The following DELE1 variants were observed in gnomAD, a reference collection of about 807,000 sequenced individuals.
DELE1 encodes death ligand signal enhancer.
DELE1 carries 54 observed loss-of-function variants against 59.3 expected under a neutral mutation model. That is an observed-to-expected ratio of 0.91 (90% CI 0.73 to 1.14). The LOEUF (loss-of-function observed/expected upper bound fraction) is 1.14. DELE1 is among the 50% of genes most tolerant of loss of function. The pLI is 0.00. For synonymous variants in DELE1, 264 were observed against 259.1 expected (o/e 1.02, Z -0.18); for missense variants, 636 against 643.9 (o/e 0.99, Z 0.13).
Position 141,941,789 on chromosome 5 carries a change from C to T in DELE1, c.*3030C>T. ...ATATAGTGTGGGGCACTCAGATGTT[C>T]AGTAAATATACATTCAACAAATAAG... On this transcript the variant is annotated 3_prime_UTR_variant, in exon 12 of 12. Transcript: ENST00000432126. The T allele has an allele frequency of 1.0e-6, 1 of 985,338 alleles. No homozygotes were observed. The highest frequency in any genetic ancestry group is 1.2e-6 in the Non-Finnish European group (1 of 829,912). The allele number at this position is 985,338 out of a possible 1,614,324, so 61.0% of individuals were successfully genotyped here. A position where few individuals can be genotyped will look rare whatever the true frequency, so the allele number is the denominator to read the frequency against.
chr5:141,924,989 G>A (rs1173687832), intron 2 of DELE1, among the ~76,000 whole-genome samples: 8 of 151,950 alleles, frequency 5.3e-5, no homozygotes, highest in South Asian at 4.2e-4. Context: ...GTGCAGTGGC[G>A]CGATCTTGGC....
rs1167674217 is a variant in DELE1, at chr5:141,941,097, G to A, written c.*2338G>A. ...CACCCTCTGCGTGAAATGTCACCGTGTGCCCTCCCTGTGGAGCCCCACTCC... is the reference window on the plus strand; with the variant it reads ...CACCCTCTGCGTGAAATGTCACCGTATGCCCTCCCTGTGGAGCCCCACTCC... On this transcript the variant is annotated 3_prime_UTR_variant, in exon 12 of 12. Coordinates refer to ENST00000432126, the MANE Select transcript of DELE1 (RefSeq NM_014773.5). The A allele has an allele frequency of 7.1e-6, 7 of 985,312 alleles. No homozygotes were observed. Among genetic ancestry groups the A allele is most frequent in the East Asian group, 1.1e-4 (1 of 8,814 alleles). 61.0% of individuals were successfully genotyped at this position (985,312 alleles called of 1,614,324 possible).
In DELE1 at chr5:141,923,913, T is replaced by C. The variant is rs1291601229; in HGVS notation, c.-29T>C. 1.4e-5 allele frequency: 23 copies of C among 1,594,690 alleles called. No individual in the cohort carries two copies. Among genetic ancestry groups the C allele is most frequent in the Non-Finnish European group, 2.0e-5 (23 of 1,171,000 alleles). On this transcript the variant is annotated 5_prime_UTR_variant, in exon 1 of 12. Coordinates refer to ENST00000432126, the MANE Select transcript of DELE1 (RefSeq NM_014773.5). ...CAAGGGTTGGTCTCGCGCTTTCGGCTGCGAGCTCTCTGTGGTGCTGGCAGC... is the reference window on the plus strand; with the variant it reads ...CAAGGGTTGGTCTCGCGCTTTCGGCCGCGAGCTCTCTGTGGTGCTGGCAGC...
chr5:141,925,321 A>G, intron 2 of DELE1, 89 bp from the exon 3 acceptor site: 1 of 789,346 alleles, frequency 1.3e-6, no homozygotes, highest in South Asian at 2.0e-5. Flanking sequence ...TCAGCCTCCC[A>G]AATTGTTGGG....
intron 3 of DELE1, among the ~76,000 whole-genome samples, chr5:141,926,208 A>T (rs549613585): frequency 6.6e-6 from 1 of 152,200 alleles, no homozygotes; most frequent in Non-Finnish European, 1.5e-5. Context: ...GTAAAGTATT[A>T]TACATGCATT....
At chr5:141,938,498 G>A in intron 11 of DELE1, 23 bp from the exon 12 acceptor site, 1 of 1,609,848 alleles carries the variant, frequency 6.2e-7, no homozygotes, top group Non-Finnish European at 8.5e-7. Context: ...AAGAGTAAGA[G>A]TTGCTCTCAC....
chr5:141,925,066 T>G (rs1751281806), intron 2 of DELE1, among the ~76,000 whole-genome samples: 1 of 152,084 alleles, frequency 6.6e-6, no homozygotes, highest in Admixed American at 6.6e-5. Flanking sequence ...TAGCTGGGAT[T>G]TCAGGCATGC....
In DELE1 at chr5:141,940,079, T is replaced by A. The variant is rs776417559; in HGVS notation, c.*1320T>A. On this transcript the variant is annotated 3_prime_UTR_variant, in exon 12 of 12. Coordinates refer to ENST00000432126, the MANE Select transcript of DELE1 (RefSeq NM_014773.5). ...AGTCTTAAAGCTGGAGAGTATAGATTTTGAGGTCCCCATTTGGGAAACATG... is the reference window on the plus strand; with the variant it reads ...AGTCTTAAAGCTGGAGAGTATAGATATTGAGGTCCCCATTTGGGAAACATG... 1.1e-4 allele frequency: 112 copies of A among 984,960 alleles called. No individual in the cohort carries two copies. The highest frequency in any genetic ancestry group is 1.3e-4 in the Non-Finnish European group (109 of 829,894). The allele number at this position is 984,960 out of a possible 1,614,324, so 61.0% of individuals were successfully genotyped here.
At chr5:141,929,551 A>G in intron 4 of DELE1, 31 bp from the exon 5 acceptor site, 3 of 1,608,992 alleles carry the variant, frequency 1.9e-6, no homozygotes, top group Non-Finnish European at 1.7e-6. Context: ...CGCCTGGCCC[A>G]GACCTGACTA....
At position 141,937,354 on chromosome 5, in the gene DELE1, GCAGGTA is replaced by G; in HGVS notation, c.1309+1_1309+6del. On this transcript the variant is annotated splice_donor_variant and splice_donor_region_variant and coding_sequence_variant and intron_variant, in exon 11 of 12. Coordinates refer to ENST00000432126, the MANE Select transcript of DELE1 (RefSeq NM_014773.5). LOFTEE classifies it high-confidence loss of function. ...GCGAGCCCTCTTTTCCATGGGGGCT[GCAGGTA>G]CAGACCCAAGTCCAAGCCAACAGGT... The G allele has an allele frequency of 6.2e-7, 1 of 1,613,870 alleles. No homozygotes were observed.
At chr5:141,937,615 A>AT (rs912197324) in intron 11 of DELE1, among the ~76,000 whole-genome samples, 2 of 130,120 alleles carry the variant, frequency 1.5e-5, no homozygotes, top group African/African-American at 9.1e-5. Context: ...TTAAAAATAT[A>AT]AAAAAAAATT....
At chr5:141,928,842 G>C (rs1315732743) in intron 4 of DELE1, among the ~76,000 whole-genome samples, 1 of 152,072 alleles carries the variant, frequency 6.6e-6, no homozygotes, top group Non-Finnish European at 1.5e-5. Flanking sequence ...TTCTTGGGAG[G>C]ACTAAATGAG....
chr5:141,925,356 C>A, intron 2 of DELE1, 54 bp from the exon 3 acceptor site: 1 of 1,250,158 alleles, frequency 8.0e-7, no homozygotes, highest in Admixed American at 2.4e-5. Flanking sequence ...CCACCGCACC[C>A]AGTCCCTGGT....
chr5:141,925,984 A>G (rs1295283547), intron 3 of DELE1, among the ~76,000 whole-genome samples: 4 of 152,004 alleles, frequency 2.6e-5, no homozygotes, highest in African/African-American at 7.3e-5. Context: ...GGTTCAAGCA[A>G]TTCTCCTGCT....
intron 6 of DELE1, 39 bp from the exon 7 acceptor site, chr5:141,930,139 A>C: frequency 1.9e-6 from 3 of 1,608,148 alleles, no homozygotes; most frequent in Non-Finnish European, 2.6e-6. Context: ...CAATCCTGGT[A>C]AACCATCCCT....
chr5:141,927,924 G>A (rs1462796944), intron 3 of DELE1, among the ~76,000 whole-genome samples: 4 of 149,968 alleles, frequency 2.7e-5, no homozygotes, highest in African/African-American at 7.6e-5. Flanking sequence ...TGCCCATGTC[G>A]TGCTTATAGA....
chr5:141,940,668 C>A lies in DELE1; in HGVS notation c.*1909C>A. 1.0e-6 allele frequency: 1 copy of A among 984,156 alleles called. No homozygotes were observed. Among genetic ancestry groups the A allele is most frequent in the Non-Finnish European group, 1.2e-6 (1 of 828,572 alleles). The allele number at this position is 984,156 out of a possible 1,614,324, so 61.0% of individuals were successfully genotyped here. A position where few individuals can be genotyped will look rare whatever the true frequency, so the allele number is the denominator to read the frequency against. On this transcript the variant is annotated 3_prime_UTR_variant, in exon 12 of 12. Coordinates refer to ENST00000432126, the MANE Select transcript of DELE1 (RefSeq NM_014773.5). ...CCTGCTCCCTGCCTCCTTTTCAGGG[C>A]TGCCCTGCACACTGGCTCACCACTG...
At chr5:141,928,542 T>C (rs1216641268) in intron 4 of DELE1, among the ~76,000 whole-genome samples, 6 of 152,238 alleles carry the variant, frequency 3.9e-5, no homozygotes, top group African/African-American at 1.4e-4. Context: ...TCCAGACTAC[T>C]TTAGATTCTG....
At chr5:141,934,880 C>T (rs948451080) in intron 10 of DELE1, 3 of 411,552 alleles carry the variant, frequency 7.3e-6, no homozygotes, top group Admixed American at 4.1e-5. Context: ...TTTCCCTCCT[C>T]GAGAGCCAGT....
Sources: gnomAD v4.1 joint callset for allele counts (sites outside exome capture counted in the v4.1 genomes callset) on GRCh38, gnomAD v4.1.1 for gene constraint, MANE v1.5 for transcripts, NCBI Gene and HGNC (gene_info 2026-07-23, HGNC 2026-07-21) for gene names.